The following MED13L variants were observed in gnomAD, a reference collection of about 807,000 sequenced individuals.
MED13L encodes the protein mediator of RNA polymerase II transcription subunit 13-like.
A neutral mutation model predicts 220.9 loss-of-function variants in MED13L; 7 were observed. The ratio of observed to expected loss-of-function variants is 0.03; its 90% CI spans 0.02 to 0.06. MED13L has a LOEUF of 0.06. Ranked by LOEUF, MED13L falls within the 10% of genes least tolerant of loss-of-function variation. The probability of loss-of-function intolerance (pLI) is 1.00; values close to 1 mark genes in which losing one functional copy is unlikely to be tolerated. For missense variants in MED13L, 1,965 were observed against 2,760.5 expected, an observed-to-expected ratio of 0.71 and a Z score of 6.46; for synonymous variants, 1,011 against 1,015.2, an observed-to-expected ratio of 1.00 and a Z score of 0.08.
intron 1 of MED13L, among the ~76,000 whole-genome samples, chr12:116,250,025 T>C (rs1184120960): frequency 1.7e-4 from 7 of 40,470 alleles, no homozygotes; most frequent in African/African-American, 6.9e-4. Context: ...CAGCATAAAC[T>C]AAAAAAAAAA....
At chr12:116,216,082 T>G (rs1273674230) in intron 2 of MED13L, among the ~76,000 whole-genome samples, 1 of 152,212 alleles carries the variant, frequency 6.6e-6, no homozygotes. Context: ...AGCTATGATC[T>G]ATACTTGTCC....
rs776949066 is a variant in MED13L, at chr12:115,996,998, A to G, written c.2790+12T>C. ...TGCTCTGCCCTGGAAATGTTAATAT[A>G]TTGACAACTACCTTAATTTCCTCGG... On this transcript the variant is annotated intron_variant, in intron 15 of 30. Transcript: ENST00000281928. 14 of 1,605,462 alleles carry G rather than the reference A, an allele frequency of 8.7e-6. No individual in the cohort carries two copies. The highest frequency in any genetic ancestry group is 7.7e-5 in the South Asian group (7 of 90,906).
chr12:116,141,641 A>G (rs1357105608), intron 2 of MED13L, among the ~76,000 whole-genome samples: 1 of 151,952 alleles, frequency 6.6e-6, no homozygotes, highest in Admixed American at 6.6e-5. Context: ...AGCACTTCTC[A>G]CCACCCTCAC....
chr12:116,083,827 C>G (rs551759381), intron 4 of MED13L, among the ~76,000 whole-genome samples: 2 of 152,280 alleles, frequency 1.3e-5, no homozygotes, highest in South Asian at 4.1e-4. Context: ...TCAGTACCTT[C>G]AACTGATTCT....
intron 2 of MED13L, among the ~76,000 whole-genome samples, chr12:116,216,167 T>C (rs1159393756): frequency 6.6e-6 from 1 of 152,096 alleles, no homozygotes. Context: ...CACGTCCTAA[T>C]TTACTCTCTG....
intron 5 of MED13L, among the ~76,000 whole-genome samples, chr12:116,021,226 G>A (rs181220521): frequency 1.4e-3 from 217 of 152,224 alleles, no homozygotes; most frequent in Non-Finnish European, 2.4e-3. Flanking sequence ...AAAATTAAAA[G>A]TGGTCTATAG....
chr12:116,083,226 C>A (rs918459928), intron 4 of MED13L, among the ~76,000 whole-genome samples: 1 of 151,592 alleles, frequency 6.6e-6, no homozygotes, highest in African/African-American at 2.4e-5. Flanking sequence ...GGCCATCTGG[C>A]GAAACTGTCT....
chr12:116,139,576 T>A (rs1420409701), intron 2 of MED13L, among the ~76,000 whole-genome samples: 2 of 152,178 alleles, frequency 1.3e-5, no homozygotes, highest in Non-Finnish European at 2.9e-5. Context: ...AAAATATTAT[T>A]ATAAAAAATA....
intron 1 of MED13L, 91 bp downstream of exon 1, chr12:116,276,969 G>C (rs867908071): frequency 1.4e-6 from 2 of 1,387,856 alleles, no homozygotes; most frequent in African/African-American, 2.9e-5. Context: ...GCGAAGTCCC[G>C]GCGGCGGGAG....
intron 1 of MED13L, among the ~76,000 whole-genome samples, chr12:116,270,456 A>C (rs1353214715): frequency 6.6e-6 from 1 of 152,020 alleles, no homozygotes; most frequent in East Asian, 1.9e-4. Context: ...GATAATCTTA[A>C]AGTTCAGTAA....
chr12:115,978,733 T>C (rs1183958622), intron 23 of MED13L, among the ~76,000 whole-genome samples: 1 of 152,220 alleles, frequency 6.6e-6, no homozygotes, highest in Non-Finnish European at 1.5e-5. Flanking sequence ...GAGTTTTTTA[T>C]AAAACGAATG....
chr12:116,094,998 C>CA (rs1362015710), intron 4 of MED13L, among the ~76,000 whole-genome samples: 2 of 151,946 alleles, frequency 1.3e-5, no homozygotes, highest in Non-Finnish European at 2.9e-5. Context: ...CCTGTCTTTA[C>CA]AAAAAATTTA....
Position 116,008,716 on chromosome 12 carries a change from T to C in MED13L, c.1697A>G (p.Gln566Arg), listed in dbSNP as rs760132490. 3 of 1,614,072 alleles carry C rather than the reference T, an allele frequency of 1.9e-6. No homozygotes were observed. In the Admixed American group the frequency reaches 5.0e-5, roughly 27 times the overall value. ...TGGTGGGTCCAAACTCTCTGTTTCC[T>C]GACCTCGTGGCTGAGGGCTGAGTGT... ...PPTLSPQPRG[Q>R]ETESLDPPSV... The change falls in exon 10 of 31, where the codon CAG becomes CGG. Residue 566 changes from glutamine (Q) to arginine (R), a missense_variant. Transcript: ENST00000281928.
At chr12:116,276,473 G>A (rs1211294324) in intron 1 of MED13L, 3 of 1,288,838 alleles carry the variant, frequency 2.3e-6, no homozygotes, top group Non-Finnish European at 2.0e-6. Flanking sequence ...CTCCAGCATA[G>A]TAAGCCCCGA....
intron 17 of MED13L, among the ~76,000 whole-genome samples, chr12:115,989,622 C>A (rs186511255): frequency 1.2e-3 from 181 of 152,244 alleles, no homozygotes; most frequent in Admixed American, 5.5e-3. Flanking sequence ...CAAAAGGGAT[C>A]TTTAAAACTT....
At chr12:116,271,904 AAC>A (rs1213656729) in intron 1 of MED13L, among the ~76,000 whole-genome samples, 2 of 151,978 alleles carry the variant, frequency 1.3e-5, no homozygotes, top group African/African-American at 2.4e-5. Flanking sequence ...TTTCAAAAAA[AAC>A]ACACACACAC....
intron 14 of MED13L, among the ~76,000 whole-genome samples, chr12:116,000,350 C>T (rs957646056): frequency 2.6e-5 from 4 of 152,216 alleles, no homozygotes; most frequent in South Asian, 2.1e-4. Context: ...GCCACCAGGA[C>T]GGACTGGAGG....
intron 16 of MED13L, among the ~76,000 whole-genome samples, chr12:115,994,456 A>AC (rs1437473747): frequency 4.6e-5 from 7 of 151,134 alleles, no homozygotes; most frequent in Non-Finnish European, 8.9e-5. Flanking sequence ...TCTCCAAAAA[A>AC]CCCCCCCAAA....
At chr12:116,120,440 T>TTCTCTCTCTC (rs67306353) in intron 2 of MED13L, among the ~76,000 whole-genome samples, 1 of 98,386 alleles carries the variant, frequency 1.0e-5, no homozygotes, top group African/African-American at 3.9e-5. Flanking sequence ...TAATCTCTCT[T>TTCTCTCTCTC]TCTCTCTCTC....
Sources: gnomAD v4.1 joint callset for allele counts (sites outside exome capture counted in the v4.1 genomes callset) on GRCh38, gnomAD v4.1.1 for gene constraint, MANE v1.5 for transcripts, NCBI Gene and HGNC (gene_info 2026-07-23, HGNC 2026-07-21) for gene names.